The following GLI2 variants were observed in gnomAD, a reference collection of about 807,000 sequenced individuals.
GLI2 encodes transcription activator GLI2.
Under a neutral mutation model 78.9 loss-of-function variants are expected in GLI2, and 22 were observed. That is an observed-to-expected ratio of 0.28 (90% CI 0.20 to 0.40). GLI2 has a LOEUF of 0.40. Ranked by LOEUF, GLI2 falls within the 10% of genes least tolerant of loss-of-function variation. The pLI is 1.00. For missense variants in GLI2, 2,097 were observed against 2,213.2 expected (o/e 0.95, Z 1.05); for synonymous variants, 974 against 963.7 (o/e 1.01, Z -0.20).
At chr2:120,776,381 G>A (rs1683677824) in intron 1 of GLI2, among the ~76,000 whole-genome samples, 2 of 152,220 alleles carry the variant, frequency 1.3e-5, no homozygotes, top group Admixed American at 6.5e-5. Context: ...ATGCTTGGTT[G>A]TGAGTGAGGT....
At position 120,982,585 on chromosome 2, in the gene GLI2, C is replaced by T. The variant is rs186626189; in HGVS notation, c.1468-131C>T. Reference sequence around the variant, plus strand: ...GTTTTCAGGAAAGGAAAGTAATATCCTTAAAATGCATGCTTCTGAGTGCGC... The same window carrying T: ...GTTTTCAGGAAAGGAAAGTAATATCTTTAAAATGCATGCTTCTGAGTGCGC... On this transcript the variant is annotated intron_variant, in intron 10 of 13. Transcript: ENST00000361492. 5.0e-4 allele frequency: 365 copies of T among 724,880 alleles called. 1 individual carries two copies. The African/African-American group carries it at 6.1e-3, about 12-fold the overall frequency. 44.9% of individuals were successfully genotyped at this position (724,880 alleles called of 1,614,324 possible). A position where few individuals can be genotyped will look rare whatever the true frequency, so the allele number is the denominator to read the frequency against.
chr2:120,877,010 A>C (rs1294428269), intron 2 of GLI2, among the ~76,000 whole-genome samples: 2 of 152,212 alleles, frequency 1.3e-5, no homozygotes, highest in Non-Finnish European at 2.9e-5. Context: ...GGCAGCAGTA[A>C]GTTGGAAGAC....
At chr2:120,942,962 G>A (rs144392574) in intron 3 of GLI2, among the ~76,000 whole-genome samples, 10 of 148,570 alleles carry the variant, frequency 6.7e-5, no homozygotes, top group Non-Finnish European at 1.0e-4. Context: ...TCATTCATTC[G>A]TTCACGCCCT....
chr2:120,920,861 C>T (rs944347071), intron 2 of GLI2, among the ~76,000 whole-genome samples: 5 of 147,506 alleles, frequency 3.4e-5, no homozygotes, highest in East Asian at 2.0e-4. Flanking sequence ...GTCCCTCTGC[C>T]GGAAGGACAT....
At chr2:120,792,870 C>T (rs1295185904) in intron 1 of GLI2, among the ~76,000 whole-genome samples, 2 of 152,332 alleles carry the variant, frequency 1.3e-5, no homozygotes, top group African/African-American at 4.8e-5. Flanking sequence ...ATCCGCCTGC[C>T]TCGGCCTCCC....
At chr2:120,812,793 T>A (rs554831581) in intron 2 of GLI2, among the ~76,000 whole-genome samples, 84 of 152,344 alleles carry the variant, frequency 5.5e-4, no homozygotes, top group African/African-American at 1.9e-3. Context: ...TTTTCAGGTC[T>A]CTGAACCTCT....
chr2:120,897,092 C>T (rs1211560334), intron 2 of GLI2, among the ~76,000 whole-genome samples: 2 of 152,206 alleles, frequency 1.3e-5, no homozygotes, highest in Admixed American at 6.5e-5. Flanking sequence ...GGGCTGCCTG[C>T]GGGCACATGC....
intron 2 of GLI2, among the ~76,000 whole-genome samples, chr2:120,855,431 G>A (rs1203045753): frequency 2.6e-5 from 4 of 152,224 alleles, no homozygotes; most frequent in African/African-American, 7.2e-5. Flanking sequence ...CCATCAGCAT[G>A]TGTACCCAGG....
intron 2 of GLI2, among the ~76,000 whole-genome samples, chr2:120,897,428 G>A (rs1678033308): frequency 6.6e-6 from 1 of 152,222 alleles, no homozygotes; most frequent in African/African-American, 2.4e-5. Flanking sequence ...AGTAGAGACA[G>A]TTCTCCACTT....
At chr2:120,987,739 G>A (rs183577057) in intron 13 of GLI2, among the ~76,000 whole-genome samples, 44 of 152,246 alleles carry the variant, frequency 2.9e-4, no homozygotes, top group Admixed American at 7.8e-4. Flanking sequence ...CCTCCTCTGC[G>A]TAACTCAGTC....
At chr2:120,818,408 C>A (rs889375158) in intron 2 of GLI2, among the ~76,000 whole-genome samples, 1 of 152,240 alleles carries the variant, frequency 6.6e-6, no homozygotes, top group African/African-American at 2.4e-5. Context: ...TGTGCACCGA[C>A]CCTTTGAACT....
At chr2:120,900,763 ATGT>A (rs1367533405) in intron 2 of GLI2, among the ~76,000 whole-genome samples, 1 of 152,178 alleles carries the variant, frequency 6.6e-6, no homozygotes, top group African/African-American at 2.4e-5. Context: ...GAGGTCAGTG[ATGT>A]TGAGCGGTTT....
Position 120,970,468 on chromosome 2 carries a change from G to T in GLI2, c.921G>T (p.Gly307=), listed in dbSNP as rs1573702015. ...QQILSQQRGL[G]SAFGHTPPLI... ...TTCTGAGCCAGCAGAGGGGTCTGGG[G>T]TCAGCCTTTGGACACACACCACCCC... The change falls in exon 7 of 14, where the codon GGG becomes GGT. Residue 307 remains glycine (G), a synonymous_variant. Coordinates refer to ENST00000361492, the MANE Select transcript of GLI2 (RefSeq NM_001374353.1). The T allele has an allele frequency of 6.2e-7, 1 of 1,613,974 alleles. No homozygotes were observed. The highest frequency in any genetic ancestry group is 1.1e-5 in the South Asian group (1 of 91,074).
intron 2 of GLI2, among the ~76,000 whole-genome samples, chr2:120,817,039 T>G (rs1178435288): frequency 1.3e-5 from 2 of 152,196 alleles, no homozygotes; most frequent in African/African-American, 2.4e-5. Context: ...GCCCACATCT[T>G]CCAAATTAGA....
intron 2 of GLI2, among the ~76,000 whole-genome samples, chr2:120,894,005 A>G (rs1415060969): frequency 1.3e-5 from 2 of 152,236 alleles, no homozygotes; most frequent in Non-Finnish European, 2.9e-5. Flanking sequence ...TCCCCTGCAG[A>G]ATAAACTCGC....
At chr2:120,830,645 C>T (rs941278078) in intron 2 of GLI2, among the ~76,000 whole-genome samples, 6 of 152,168 alleles carry the variant, frequency 3.9e-5, no homozygotes, top group South Asian at 4.1e-4. Context: ...TCCAGCAGGG[C>T]AGGGGAGGGC....
At chr2:120,927,709 T>C (rs376929649) in intron 3 of GLI2, among the ~76,000 whole-genome samples, 2 of 152,238 alleles carry the variant, frequency 1.3e-5, no homozygotes, top group African/African-American at 4.8e-5. Context: ...GGCTCTGGGC[T>C]TCCTTGGTGT....
intron 2 of GLI2, among the ~76,000 whole-genome samples, chr2:120,858,906 G>C (rs2104633553): frequency 6.6e-6 from 1 of 152,326 alleles, no homozygotes; most frequent in African/African-American, 2.4e-5. Context: ...CCAGGGCCAT[G>C]GGTTTTGCAA....
intron 2 of GLI2, among the ~76,000 whole-genome samples, chr2:120,894,302 G>A (rs1037610083): frequency 6.6e-6 from 1 of 152,216 alleles, no homozygotes; most frequent in African/African-American, 2.4e-5. Context: ...ATGTCCCTTA[G>A]AAAGGACACC....
Sources: allele counts gnomAD v4.1 joint callset (sites outside exome capture counted in the v4.1 genomes callset), GRCh38; gene constraint gnomAD v4.1.1; transcripts MANE v1.5; gene names NCBI Gene and HGNC (gene_info 2026-07-23, HGNC 2026-07-21).